The following SRI variants were observed in gnomAD, a reference collection of about 807,000 sequenced individuals.
SRI encodes sorcin.
Under a neutral mutation model 33.3 loss-of-function variants are expected in SRI, and 30 were observed. The ratio of observed to expected loss-of-function variants is 0.90; its 90% confidence interval spans 0.67 to 1.22. The LOEUF is 1.22. Among genes scored for constraint, SRI ranks in the 50% most tolerant of loss-of-function variants. The probability of loss-of-function intolerance (pLI) is 0.00; values close to 1 mark genes in which losing one functional copy is unlikely to be tolerated. For missense variants in SRI, 243 were observed against 250.8 expected (o/e 0.97, Z 0.21); for synonymous variants, 75 against 89.9 (o/e 0.83, Z 0.94).
chr7:88,210,481 C>T (rs1379553008), intron 4 of SRI: 1 of 394,114 alleles, frequency 2.5e-6, no homozygotes, highest in Non-Finnish European at 4.8e-6. Flanking sequence ...ATCTCTGGTA[C>T]TAATATTCCC....
chr7:88,208,843 G>C (rs1321897765), intron 6 of SRI: 1 of 421,650 alleles, frequency 2.4e-6, no homozygotes, highest in African/African-American at 2.0e-5. Flanking sequence ...AGTAAAAGCT[G>C]TGCAACTTCC....
intron 3 of SRI, chr7:88,214,734 ATTAT>A (rs1851665602): frequency 5.6e-6 from 3 of 531,658 alleles, no homozygotes; most frequent in Non-Finnish European, 7.2e-6. Context: ...ACATTTTGAA[ATTAT>A]TTAAATTAAA....
chr7:88,206,646 GATGGAAAAGTTT>G, intron 7 of SRI, 142 bp from the exon 8 acceptor site: 1 of 854,868 alleles, frequency 1.2e-6, no homozygotes, highest in East Asian at 2.6e-5. Flanking sequence ...GTAAATGATA[GATGGAAAAGTTT>G]CCTTTTTTTA....
rs1285808852 is a variant in SRI, at chr7:88,209,465, C to G, written c.398-13G>C. 1.9e-6 allele frequency: 3 copies of G among 1,601,984 alleles called. No individual in the cohort carries two copies. In the East Asian group the frequency reaches 6.7e-5, roughly 36 times the overall value. ...CTCAACCTAAATCCTAAAAGAAAAG[C>G]CATCCAGTAAAAAGGTTAAAGGATT... is the stretch of plus-strand genomic sequence containing the variant. On this transcript the variant is annotated splice_polypyrimidine_tract_variant and intron_variant, in intron 5 of 7. Coordinates refer to ENST00000265729, the MANE Select transcript of SRI (RefSeq NM_003130.4).
chr7:88,216,857 C>T (rs1851731796), intron 3 of SRI: 2 of 498,270 alleles, frequency 4.0e-6, no homozygotes, highest in Admixed American at 6.6e-5. Flanking sequence ...TTACTGCAGC[C>T]AAAAACTCTT....
chr7:88,217,728 G>T (rs1012589802), intron 2 of SRI, among the ~76,000 whole-genome samples: 2 of 152,098 alleles, frequency 1.3e-5, no homozygotes, highest in South Asian at 4.1e-4. Flanking sequence ...CAAGTCACTG[G>T]GTATTATAAG....
intron 3 of SRI, among the ~76,000 whole-genome samples, chr7:88,212,409 C>A (rs1272452788): frequency 6.6e-6 from 1 of 152,074 alleles, no homozygotes; most frequent in Non-Finnish European, 1.5e-5. Flanking sequence ...GTATGAAGTC[C>A]CTCTAATCTG....
intron 2 of SRI, among the ~76,000 whole-genome samples, chr7:88,218,508 G>C: frequency 6.6e-6 from 1 of 152,204 alleles, no homozygotes; most frequent in East Asian, 1.9e-4. Flanking sequence ...CCCAAAGAAA[G>C]TGCCCATTAG....
chr7:88,219,934 C>T (rs1424377889), intron 1 of SRI, 42 bp downstream of exon 1: 1 of 1,536,238 alleles, frequency 6.5e-7, no homozygotes, highest in Admixed American at 2.0e-5. Context: ...TCTTAGCGCC[C>T]CGGAGCCGCC....
chr7:88,224,324 G>A (rs73397651), upstream of SRI, among the ~76,000 whole-genome samples: 6,863 of 152,196 alleles, frequency 0.045, 545 homozygotes, highest in African/African-American at 0.16. Flanking sequence ...GGACTTCTTC[G>A]CTCAGATAAG....
intron 3 of SRI, among the ~76,000 whole-genome samples, chr7:88,215,420 G>A (rs1851682268): frequency 1.3e-5 from 2 of 152,150 alleles, no homozygotes; most frequent in Admixed American, 1.3e-4. Flanking sequence ...AGAATAACAG[G>A]CCATGCTGTG....
At chr7:88,226,332 A>G (rs575996271) in intron 1 of SRI, among the ~76,000 whole-genome samples, 2 of 152,256 alleles carry the variant, frequency 1.3e-5, no homozygotes, top group East Asian at 3.9e-4. Context: ...ACCCAAGAGC[A>G]CCTAGGGCTT....
At chr7:88,220,180 G>A, upstream of SRI, 1 of 1,315,442 alleles carries the variant, frequency 7.6e-7, no homozygotes, top group Non-Finnish European at 9.6e-7. Context: ...GCCTGTGCGC[G>A]CGGCCGTGGC....
At chr7:88,218,997 C>A in intron 1 of SRI, 55 bp from the exon 2 acceptor site, 1 of 1,527,168 alleles carries the variant, frequency 6.5e-7, no homozygotes. Context: ...TTTCTTCTTT[C>A]ACCACTGAGG....
intron 2 of SRI, among the ~76,000 whole-genome samples, chr7:88,217,784 G>T (rs747308825): frequency 2.0e-5 from 3 of 152,204 alleles, no homozygotes; most frequent in Non-Finnish European, 2.9e-5. Flanking sequence ...CAATGGGTAT[G>T]CTGAATACAG....
chr7:88,223,484 A>C (rs1352928008), upstream of SRI, among the ~76,000 whole-genome samples: 1 of 152,080 alleles, frequency 6.6e-6, no homozygotes, highest in Non-Finnish European at 1.5e-5. Flanking sequence ...TGTATGAGAG[A>C]GTCTACATAC....
chr7:88,208,418 TAAGATA>T, intron 7 of SRI, 83 bp downstream of exon 7: 5 of 1,561,024 alleles, frequency 3.2e-6, no homozygotes, highest in Non-Finnish European at 4.3e-6. Context: ...TCCTTAACCT[TAAGATA>T]TTCTTAACAG....
upstream of SRI, among the ~76,000 whole-genome samples, chr7:88,224,607 A>G (rs1288219633): frequency 3.3e-5 from 5 of 152,186 alleles, no homozygotes; most frequent in Non-Finnish European, 7.3e-5. Context: ...CTTTCTTAAG[A>G]TTGTTGGGAA....
upstream of SRI, among the ~76,000 whole-genome samples, chr7:88,221,592 A>G (rs1851889013): frequency 6.6e-6 from 1 of 152,348 alleles, no homozygotes; most frequent in South Asian, 2.1e-4. Context: ...AATATTTTTA[A>G]GTACTGCAGA....
Sources: gnomAD v4.1 joint callset for allele counts (sites outside exome capture counted in the v4.1 genomes callset) on GRCh38, gnomAD v4.1.1 for gene constraint, MANE v1.5 for transcripts, NCBI Gene and HGNC (gene_info 2026-07-23, HGNC 2026-07-21) for gene names.